NRG3: variants seen among roughly 807,000 people sequenced by gnomAD.
NRG3 encodes the protein neuregulin 3.
In NRG3, 31 loss-of-function variants were observed where a neutral mutation model predicts 66.9. That is an observed-to-expected ratio of 0.46 (90% confidence interval 0.35 to 0.63). NRG3 has a LOEUF of 0.63. Ranked by LOEUF, NRG3 falls within the 20% of genes least tolerant of loss-of-function variation. NRG3 has a pLI of 0.00. For missense variants in NRG3, 910 were observed against 878.9 expected (o/e 1.04, Z -0.45); for synonymous variants, 393 against 359.4 (o/e 1.09, Z -1.06).
intron 1 of NRG3, among the ~76,000 whole-genome samples, chr10:82,200,660 C>T (rs983695579): frequency 2.0e-5 from 3 of 152,030 alleles, no homozygotes; most frequent in African/African-American, 7.2e-5. Context: ...GTCGCATGCC[C>T]GAAGTCAAGC....
At chr10:81,942,428 A>G (rs1848479866) in intron 1 of NRG3, among the ~76,000 whole-genome samples, 1 of 152,174 alleles carries the variant, frequency 6.6e-6, no homozygotes, top group African/African-American at 2.4e-5. Flanking sequence ...AAATAAACAT[A>G]AAGTTGTTTC....
intron 1 of NRG3, among the ~76,000 whole-genome samples, chr10:82,031,900 A>G (rs1046104010): frequency 6.6e-6 from 1 of 151,994 alleles, no homozygotes; most frequent in South Asian, 2.1e-4. Flanking sequence ...TTTAGCCCTT[A>G]ATTTTCAGAA....
intron 1 of NRG3, among the ~76,000 whole-genome samples, chr10:82,048,857 A>G (rs2063445653): frequency 6.6e-6 from 1 of 151,708 alleles, no homozygotes; most frequent in Non-Finnish European, 1.5e-5. Context: ...CGCTAGCAAG[A>G]CTAATAAAGA....
intron 1 of NRG3, among the ~76,000 whole-genome samples, chr10:82,331,018 T>G (rs1193721864): frequency 6.6e-6 from 1 of 152,200 alleles, no homozygotes; most frequent in Non-Finnish European, 1.5e-5. Context: ...GATTGGACTT[T>G]TAGAATAGAA....
chr10:82,290,186 T>A (rs2079644978), intron 1 of NRG3, among the ~76,000 whole-genome samples: 1 of 152,184 alleles, frequency 6.6e-6, no homozygotes, highest in South Asian at 2.1e-4. Context: ...AGTACTTAGG[T>A]GTAGTATGCT....
At chr10:82,246,105 G>C (rs547964744) in intron 1 of NRG3, among the ~76,000 whole-genome samples, 1 of 151,086 alleles carries the variant, frequency 6.6e-6, no homozygotes, top group East Asian at 2.0e-4. Flanking sequence ...AATTTTTGAG[G>C]TTAGTCTCTC....
intron 2 of NRG3, among the ~76,000 whole-genome samples, chr10:82,570,867 T>G (rs1055722767): frequency 1.3e-5 from 2 of 151,686 alleles, no homozygotes; most frequent in African/African-American, 4.8e-5. Flanking sequence ...CATTGTTATG[T>G]TTCCTTCAAT....
At chr10:82,754,155 A>G (rs927897273) in intron 3 of NRG3, among the ~76,000 whole-genome samples, 1 of 151,940 alleles carries the variant, frequency 6.6e-6, no homozygotes, top group Non-Finnish European at 1.5e-5. Context: ...AATCGTATTT[A>G]TTTATTAATA....
At chr10:82,563,035 G>A (rs1358831286) in intron 2 of NRG3, among the ~76,000 whole-genome samples, 4 of 152,104 alleles carry the variant, frequency 2.6e-5, no homozygotes, top group Non-Finnish European at 5.9e-5. Context: ...AGGAAACCCA[G>A]GGATGTGGGG....
At chr10:82,718,259 T>G (rs953976174) in intron 2 of NRG3, among the ~76,000 whole-genome samples, 1 of 152,192 alleles carries the variant, frequency 6.6e-6, no homozygotes, top group Non-Finnish European at 1.5e-5. Context: ...TATCATCCCT[T>G]GCTTAGCTTC....
intron 2 of NRG3, among the ~76,000 whole-genome samples, chr10:82,471,341 G>C (rs527477951): frequency 7.6e-4 from 115 of 152,162 alleles, no homozygotes; most frequent in African/African-American, 2.6e-3. Flanking sequence ...GTGCAGGCCT[G>C]TTGGAGGCTC....
chr10:82,854,224 G>A (rs2063701093), intron 3 of NRG3, among the ~76,000 whole-genome samples: 1 of 152,196 alleles, frequency 6.6e-6, no homozygotes, highest in Non-Finnish European at 1.5e-5. Context: ...TAGAAAAGTA[G>A]AGCAGGTAAC....
intron 2 of NRG3, among the ~76,000 whole-genome samples, chr10:82,476,055 A>T (rs755536098): frequency 4.6e-5 from 7 of 152,220 alleles, no homozygotes; most frequent in Non-Finnish European, 4.4e-5. Context: ...CAAAGAAAAT[A>T]TCCAAATGGC....
chr10:81,904,608 A>G (rs376008921), intron 1 of NRG3, among the ~76,000 whole-genome samples: 3 of 152,214 alleles, frequency 2.0e-5, no homozygotes, highest in East Asian at 3.9e-4. Context: ...GAGCCTGTCC[A>G]TGTTCCAGCA....
chr10:82,826,145 C>A (rs180858619), intron 3 of NRG3, among the ~76,000 whole-genome samples: 3 of 151,878 alleles, frequency 2.0e-5, no homozygotes, highest in East Asian at 3.9e-4. Context: ...CTTTGTCAAG[C>A]ATTAGGAGCT....
rs1242775333 is a variant in NRG3, at chr10:82,914,623, T to C, written c.1055-36846T>C. On this transcript the variant is annotated intron_variant, in intron 4 of 8. Coordinates refer to ENST00000372141, the MANE Select transcript of NRG3 (RefSeq NM_001010848.4). ...TTTTGTTTCTATTCTCCTGTTATTG[T>C]GTAGGATCCCTGTTTATGTGTGGTA... Among the ~76,000 whole-genome samples, 3 of 152,292 alleles carry C rather than the reference T, an allele frequency of 2.0e-5. No individual in the cohort carries two copies. In the East Asian group the frequency reaches 5.8e-4, roughly 29 times the overall value.
At chr10:82,587,265 G>A (rs1481294666) in intron 2 of NRG3, among the ~76,000 whole-genome samples, 2 of 151,882 alleles carry the variant, frequency 1.3e-5, no homozygotes, top group Non-Finnish European at 1.5e-5. Context: ...CACCACTCTC[G>A]TTAATTTTAT....
In NRG3 at chr10:82,979,114, G is replaced by A; in HGVS notation, c.1577G>A (p.Cys526Tyr). 6.2e-7 allele frequency: 1 copy of A among 1,613,938 alleles called. No individual in the cohort carries two copies. The highest frequency in any genetic ancestry group is 1.7e-4 in the Middle Eastern group (1 of 6,058). ...ATCCCAGACCAGGATACGATACCTTGCCAAGGGTAGGTCTTAAAACAGCAG... is the reference window on the plus strand; with the variant it reads ...ATCCCAGACCAGGATACGATACCTTACCAAGGGTAGGTCTTAAAACAGCAG... Reference protein sequence around the residue: ...SRIPDQDTIPCQGYSSSGLKT... With the variant: ...SRIPDQDTIPYQGYSSSGLKT... The change falls in exon 8 of 9, where the codon TGC becomes TAC. Residue 526 changes from cysteine (C) to tyrosine (Y), a missense_variant. By Grantham distance (194) the Cys-to-Tyr change is radical. Transcript: ENST00000372141.
chr10:82,494,228 C>T (rs535214376), intron 2 of NRG3, among the ~76,000 whole-genome samples: 1 of 152,168 alleles, frequency 6.6e-6, no homozygotes, highest in Non-Finnish European at 1.5e-5. Context: ...ACCCAGCACT[C>T]CCATTACTGA....
Sources: gnomAD v4.1 joint callset for allele counts (sites outside exome capture counted in the v4.1 genomes callset) on GRCh38, gnomAD v4.1.1 for gene constraint, MANE v1.5 for transcripts, NCBI Gene and HGNC (gene_info 2026-07-23, HGNC 2026-07-21) for gene names.